Variants in DOK5 observed in about 807,000 individuals in gnomAD.
DOK5 encodes the protein downstream of tyrosine kinase 5.
DOK5 carries 27 observed loss-of-function variants against 43.3 expected under a neutral mutation model. The observed-to-expected ratio is 0.62, with a 90% CI of 0.46 to 0.86. The LOEUF (loss-of-function observed/expected upper bound fraction) is 0.86. Among genes scored for constraint, DOK5 ranks in the 40% least tolerant of loss-of-function variants. The pLI, the probability that DOK5 is intolerant of heterozygous loss-of-function variation, is 0.00. For missense variants in DOK5, 373 were observed against 392.9 expected (o/e 0.95, Z 0.43); for synonymous variants, 146 against 140.1 (o/e 1.04, Z -0.30).
intron 2 of DOK5, among the ~76,000 whole-genome samples, chr20:54,558,601 G>A (rs577090047): frequency 9.2e-5 from 14 of 152,106 alleles, no homozygotes; most frequent in Middle Eastern, 3.4e-3. Context: ...TAAAATACTG[G>A]GGTTATAAGT....
At chr20:54,528,746 G>A (rs1304583494) in intron 1 of DOK5, among the ~76,000 whole-genome samples, 1 of 152,156 alleles carries the variant, frequency 6.6e-6, no homozygotes, top group Non-Finnish European at 1.5e-5. Context: ...TGGAACTGCT[G>A]CAAGTGGCTT....
chr20:54,482,799 A>C (rs1294841871), intron 1 of DOK5, among the ~76,000 whole-genome samples: 1 of 152,216 alleles, frequency 6.6e-6, no homozygotes, highest in Non-Finnish European at 1.5e-5. Context: ...GCCCGGCCTC[A>C]TCATATGCTA....
chr20:54,564,667 A>G (rs924296315), intron 2 of DOK5, among the ~76,000 whole-genome samples: 1 of 152,336 alleles, frequency 6.6e-6, no homozygotes, highest in Admixed American at 6.5e-5. Context: ...CCATGGTTGA[A>G]ACAAGGTCAA....
chr20:54,572,164 CT>C (rs1203805647), intron 2 of DOK5, among the ~76,000 whole-genome samples: 284 of 143,170 alleles, frequency 2.0e-3, no homozygotes, highest in Admixed American at 1.9e-3. Flanking sequence ...TTGCAACATT[CT>C]TTTTTTTTTT....
intron 1 of DOK5, among the ~76,000 whole-genome samples, chr20:54,488,369 G>C (rs570587859): frequency 6.6e-6 from 1 of 152,248 alleles, no homozygotes. Flanking sequence ...GCTGTCTCTT[G>C]GCATCCATAT....
At chr20:54,554,630 T>C (rs988200876) in intron 1 of DOK5, among the ~76,000 whole-genome samples, 1 of 152,230 alleles carries the variant, frequency 6.6e-6, no homozygotes, top group Non-Finnish European at 1.5e-5. Flanking sequence ...CCTATTTTAT[T>C]TGTACATTTG....
At chr20:54,558,361 A>G (rs915903359) in intron 2 of DOK5, among the ~76,000 whole-genome samples, 4 of 152,236 alleles carry the variant, frequency 2.6e-5, no homozygotes, top group Non-Finnish European at 5.9e-5. Flanking sequence ...TTGGTAAGCC[A>G]CATTCTCTTT....
At chr20:54,542,551 A>G (rs542705304) in intron 1 of DOK5, among the ~76,000 whole-genome samples, 2 of 152,314 alleles carry the variant, frequency 1.3e-5, no homozygotes, top group Non-Finnish European at 2.9e-5. Context: ...CTTTGTACTG[A>G]CAAAGGAAGG....
chr20:54,555,884 A>G (rs1984693555), intron 2 of DOK5, among the ~76,000 whole-genome samples: 1 of 152,224 alleles, frequency 6.6e-6, no homozygotes. Flanking sequence ...TTAAAATTTT[A>G]TGCGAAACCA....
At chr20:54,483,121 G>C (rs2057432091) in intron 1 of DOK5, among the ~76,000 whole-genome samples, 1 of 152,206 alleles carries the variant, frequency 6.6e-6, no homozygotes, top group Non-Finnish European at 1.5e-5. Flanking sequence ...TGTGCATAAA[G>C]TCAGCCTTTA....
At chr20:54,483,822 G>A (rs1981821183) in intron 1 of DOK5, among the ~76,000 whole-genome samples, 1 of 152,168 alleles carries the variant, frequency 6.6e-6, no homozygotes, top group Admixed American at 6.5e-5. Flanking sequence ...ATAAGTATTT[G>A]GAAGCTGATT....
intron 1 of DOK5, among the ~76,000 whole-genome samples, chr20:54,481,878 A>G (rs1418316134): frequency 1.3e-5 from 2 of 152,198 alleles, no homozygotes; most frequent in African/African-American, 4.8e-5. Context: ...CTAATAGATG[A>G]TGATCATAAA....
chr20:54,556,280 C>A (rs1270682060), intron 2 of DOK5, among the ~76,000 whole-genome samples: 1 of 152,162 alleles, frequency 6.6e-6, no homozygotes, highest in Non-Finnish European at 1.5e-5. Context: ...CCCACTTATA[C>A]CTTTTTGAGT....
rs1336636884 is a variant in DOK5 at position 54,480,944 on chromosome 20, T to TATCTATCATCTATCATCTATC, written c.66+4946_66+4947insATCTATCATCTATCATCTATC. 3.5e-4 allele frequency among the ~76,000 whole-genome samples: 49 copies of TATCTATCATCTATCATCTATC among 140,868 alleles called. 2 individuals carry two copies. The highest frequency in any genetic ancestry group is 1.3e-3 in the African/African-American group (43 of 33,514). The allele number at this position is 140,868 out of a possible 152,430, so 92.4% of individuals were successfully genotyped here. A position where few individuals can be genotyped will look rare whatever the true frequency, so the allele number is the denominator to read the frequency against. On this transcript the variant is annotated intron_variant, in intron 1 of 7. Transcript: ENST00000262593. ...ATCTATCAATCATCTATCATCTATC[T>TATCTATCATCTATCATCTATC]ATCTATCATCTATCTATCATCTATC...
chr20:54,508,700 C>A (rs1600669793), intron 1 of DOK5, among the ~76,000 whole-genome samples: 1 of 152,110 alleles, frequency 6.6e-6, no homozygotes, highest in African/African-American at 2.4e-5. Flanking sequence ...CCTGTCTCAG[C>A]CTCCCAAGTA....
chr20:54,644,558 T>A (rs555109337), intron 7 of DOK5, among the ~76,000 whole-genome samples: 73,428 of 150,838 alleles, frequency 0.49, 19,196 homozygotes, highest in Middle Eastern at 0.7. Flanking sequence ...ACAAAAAAAT[T>A]AGCCGGGCGT....
chr20:54,567,111 ATG>A (rs1285107543), intron 2 of DOK5, among the ~76,000 whole-genome samples: 1 of 151,866 alleles, frequency 6.6e-6, no homozygotes, highest in Non-Finnish European at 1.5e-5. Context: ...GCTGGAAAAT[ATG>A]TTCTCCCAGT....
chr20:54,537,940 G>A (rs1984014701), intron 1 of DOK5, among the ~76,000 whole-genome samples: 3 of 145,914 alleles, frequency 2.1e-5, no homozygotes, highest in Non-Finnish European at 4.5e-5. Flanking sequence ...CTGGGTTCAA[G>A]CAATTCTCCT....
intron 6 of DOK5, among the ~76,000 whole-genome samples, chr20:54,629,736 TGAA>T (rs1441126171): frequency 6.6e-6 from 1 of 152,180 alleles, no homozygotes; most frequent in Non-Finnish European, 1.5e-5. Flanking sequence ...ATAGTTGCTA[TGAA>T]GAAGACAACA....
Sources: gnomAD v4.1 joint callset for allele counts (sites outside exome capture counted in the v4.1 genomes callset) on GRCh38, gnomAD v4.1.1 for gene constraint, MANE v1.5 for transcripts, NCBI Gene and HGNC (gene_info 2026-07-23, HGNC 2026-07-21) for gene names.